PPP3CB: variants seen among roughly 807,000 people sequenced by gnomAD.
The protein encoded by PPP3CB is protein phosphatase 3 catalytic subunit beta.
PPP3CB carries 8 observed loss-of-function variants against 66.4 expected under a neutral mutation model. The ratio of observed to expected loss-of-function variants is 0.12; its 90% confidence interval spans 0.07 to 0.22. The LOEUF is 0.22. Ranked by LOEUF, PPP3CB falls within the 10% of genes least tolerant of loss-of-function variation. The pLI, the probability that PPP3CB is intolerant of heterozygous loss-of-function variation, is 1.00. For missense variants in PPP3CB, 319 were observed against 642.5 expected (o/e 0.50, Z 5.44); for synonymous variants, 208 against 221.2 (o/e 0.94, Z 0.53).
chr10:73,438,527 G>C, intron 13 of PPP3CB, 107 bp from the exon 14 acceptor site: 1 of 950,490 alleles, frequency 1.1e-6, no homozygotes, highest in Non-Finnish European at 1.6e-6. Flanking sequence ...GCTGTAAGTA[G>C]CAACACATAA....
At chr10:73,450,943 T>A (rs2056335039) in intron 10 of PPP3CB, among the ~76,000 whole-genome samples, 1 of 152,132 alleles carries the variant, frequency 6.6e-6, no homozygotes, top group African/African-American at 2.4e-5. Context: ...GGATAAATTA[T>A]CATACTAATA....
At chr10:73,466,391 A>C (rs1478513599) in intron 9 of PPP3CB, among the ~76,000 whole-genome samples, 1 of 152,202 alleles carries the variant, frequency 6.6e-6, no homozygotes, top group Non-Finnish European at 1.5e-5. Context: ...TGGCCCCTCC[A>C]TCCTTCCCAT....
chr10:73,481,035 C>T (rs1416328461), intron 1 of PPP3CB, among the ~76,000 whole-genome samples: 1 of 151,958 alleles, frequency 6.6e-6, no homozygotes, highest in African/African-American at 2.4e-5. Context: ...TGGACTGAAG[C>T]AGTTTCAGGC....
At chr10:73,469,529 G>A (rs748378543) in intron 8 of PPP3CB, among the ~76,000 whole-genome samples, 7 of 152,172 alleles carry the variant, frequency 4.6e-5, no homozygotes, top group East Asian at 3.8e-4. Flanking sequence ...GCAACAGAGC[G>A]AGACCCTGTC....
chr10:73,485,241 T>C (rs2056952494), intron 1 of PPP3CB, among the ~76,000 whole-genome samples: 1 of 152,166 alleles, frequency 6.6e-6, no homozygotes, highest in Admixed American at 6.6e-5. Flanking sequence ...TCACATTTAA[T>C]GTATGGTGGC....
At position 73,479,489 on chromosome 10, in the gene PPP3CB, C is replaced by G. The variant is rs1207029573; in HGVS notation, c.114G>C (p.Leu38Phe). The G allele has an allele frequency of 6.2e-7, 1 of 1,613,942 alleles. No homozygotes were observed. Reference sequence around the variant, plus strand: ...CCAAATCAAATACTTCTTCAGATGTCAAGCGATGTGTTGGGGGGAAAGGGA... The same window carrying G: ...CCAAATCAAATACTTCTTCAGATGTGAAGCGATGTGTTGGGGGGAAAGGGA... Reference protein sequence around the residue: ...KAVPFPPTHRLTSEEVFDLDG... With the variant: ...KAVPFPPTHRFTSEEVFDLDG... The change falls in exon 2 of 14, where the codon TTG becomes TTC. Residue 38 changes from leucine (L) to phenylalanine (F), a missense_variant. By Grantham distance (22) the Leu-to-Phe change is conservative (BLOSUM62 0). Coordinates refer to ENST00000360663, the MANE Select transcript of PPP3CB (RefSeq NM_021132.4).
Position 73,495,725 on chromosome 10 carries a change from C to T in PPP3CB, c.85+80G>A, listed in dbSNP as rs2057196609. 13 of 1,506,540 alleles carry T rather than the reference C, an allele frequency of 8.6e-6. No homozygotes were observed. In the South Asian group the frequency reaches 1.4e-4, roughly 16 times the overall value. 93.3% of individuals were successfully genotyped at this position (1,506,540 alleles called of 1,614,324 possible). A position where few individuals can be genotyped will look rare whatever the true frequency, so the allele number is the denominator to read the frequency against. On this transcript the variant is annotated intron_variant, in intron 1 of 13. Coordinates refer to ENST00000360663, the MANE Select transcript of PPP3CB (RefSeq NM_021132.4). ...CTCGCCCGCCCTTCCGGGCCCACTC[C>T]CGAGGGGACGGTCTCCCGCCCGCCC... is the stretch of plus-strand genomic sequence containing the variant.
chr10:73,464,600 A>G (rs922812187), intron 9 of PPP3CB, among the ~76,000 whole-genome samples: 6 of 152,210 alleles, frequency 3.9e-5, no homozygotes, highest in East Asian at 3.8e-4. Context: ...GCAAAAGTCC[A>G]TAACTTTTAT....
At chr10:73,463,318 C>A (rs1179553957) in intron 9 of PPP3CB, among the ~76,000 whole-genome samples, 1 of 152,204 alleles carries the variant, frequency 6.6e-6, no homozygotes, top group Non-Finnish European at 1.5e-5. Flanking sequence ...TACTTCACCA[C>A]AGTAATTTTT....
chr10:73,455,849 C>A (rs1464215069), intron 9 of PPP3CB, among the ~76,000 whole-genome samples: 1 of 152,170 alleles, frequency 6.6e-6, no homozygotes, highest in African/African-American at 2.4e-5. Flanking sequence ...GGATTACAGG[C>A]GTGAGCCACC....
intron 2 of PPP3CB, 100 bp from the exon 3 acceptor site, chr10:73,478,723 A>G (rs768325838): frequency 1.5e-4 from 159 of 1,027,600 alleles, no homozygotes; most frequent in Non-Finnish European, 2.2e-4. Flanking sequence ...TACAAATGCT[A>G]TCAAGAAATG....
chr10:73,487,460 G>C (rs199985626), intron 1 of PPP3CB, among the ~76,000 whole-genome samples: 1 of 147,248 alleles, frequency 6.8e-6, no homozygotes, highest in Non-Finnish European at 1.5e-5. Context: ...AGGCAGGAGA[G>C]TTGCTTGAAC....
chr10:73,455,008 G>A (rs1282142303), intron 9 of PPP3CB, among the ~76,000 whole-genome samples: 3 of 151,864 alleles, frequency 2.0e-5, no homozygotes, highest in African/African-American at 7.3e-5. Context: ...AAGGAGCTGG[G>A]ATTACAGACA....
At chr10:73,483,171 C>G (rs372694049) in intron 1 of PPP3CB, among the ~76,000 whole-genome samples, 1 of 152,268 alleles carries the variant, frequency 6.6e-6, no homozygotes, top group South Asian at 2.1e-4. Context: ...TATCTAAAGA[C>G]CTGTACTTTC....
intron 10 of PPP3CB, among the ~76,000 whole-genome samples, chr10:73,451,405 AATAGTAATAAGAACATAAAATACAG>A (rs1292392416): frequency 6.6e-6 from 1 of 152,098 alleles, no homozygotes; most frequent in African/African-American, 2.4e-5. Context: ...CACCAGTTGT[AATAGTAATAAGAACATAAAATACAG>A]ATGTATTAAT....
chr10:73,470,254 A>G (rs1363516283), intron 8 of PPP3CB, among the ~76,000 whole-genome samples: 1 of 152,234 alleles, frequency 6.6e-6, no homozygotes, highest in East Asian at 1.9e-4. Context: ...AAAGAAGGAA[A>G]TAAGAAAGGG....
intron 9 of PPP3CB, among the ~76,000 whole-genome samples, chr10:73,464,133 G>T (rs138731856): frequency 1.3e-5 from 2 of 151,950 alleles, no homozygotes; most frequent in Admixed American, 1.3e-4. Context: ...TTTCACCATC[G>T]TGGCCAGGTG....
intron 10 of PPP3CB, among the ~76,000 whole-genome samples, chr10:73,451,248 TC>T (rs2056339956): frequency 6.6e-6 from 1 of 151,476 alleles, no homozygotes; most frequent in Non-Finnish European, 1.5e-5. Context: ...ACAATATCAA[TC>T]CCCTATAAAT....
At chr10:73,459,355 G>A (rs370929455) in intron 9 of PPP3CB, among the ~76,000 whole-genome samples, 14 of 152,114 alleles carry the variant, frequency 9.2e-5, no homozygotes, top group East Asian at 5.8e-4. Flanking sequence ...GCATGGTGGC[G>A]GGCACCTGTA....
Sources: allele counts gnomAD v4.1 joint callset (sites outside exome capture counted in the v4.1 genomes callset), GRCh38; gene constraint gnomAD v4.1.1; transcripts MANE v1.5; gene names NCBI Gene and HGNC (gene_info 2026-07-23, HGNC 2026-07-21).